ROR1: variants seen among roughly 807,000 people sequenced by gnomAD.
ROR1 encodes the protein inactive tyrosine-protein kinase transmembrane receptor ROR1.
ROR1 carries 19 observed loss-of-function variants against 78.8 expected under a neutral mutation model. The ratio of observed to expected loss-of-function variants is 0.24; its 90% CI spans 0.17 to 0.35. ROR1 has a LOEUF of 0.35. Among genes scored for constraint, ROR1 ranks in the 10% least tolerant of loss-of-function variants. The pLI is 1.00. For synonymous variants in ROR1, 386 were observed against 433.6 expected, an observed-to-expected ratio of 0.89 and a Z score of 1.36; for missense variants, 917 against 1,177.8, an observed-to-expected ratio of 0.78 and a Z score of 3.24.
intron 4 of ROR1, among the ~76,000 whole-genome samples, chr1:64,074,730 C>T (rs970844590): frequency 6.6e-6 from 1 of 152,192 alleles, no homozygotes; most frequent in African/African-American, 2.4e-5. Flanking sequence ...AAGTATATGA[C>T]TCTATGCCTT....
chr1:63,920,137 A>G (rs1351460399), intron 1 of ROR1, among the ~76,000 whole-genome samples: 2 of 152,224 alleles, frequency 1.3e-5, no homozygotes, highest in Non-Finnish European at 2.9e-5. Flanking sequence ...TGTGAGAAAC[A>G]TTGTTGGGCA....
intron 1 of ROR1, among the ~76,000 whole-genome samples, chr1:63,899,163 ACT>A (rs1381711322): frequency 6.6e-6 from 1 of 151,990 alleles, no homozygotes; most frequent in Non-Finnish European, 1.5e-5. Flanking sequence ...CCCTAAGAAT[ACT>A]CTGTTTACTT....
chr1:63,927,919 G>A (rs959498056), intron 1 of ROR1, among the ~76,000 whole-genome samples: 3 of 150,964 alleles, frequency 2.0e-5, no homozygotes, highest in African/African-American at 7.3e-5. Flanking sequence ...AGTCCTTTGC[G>A]ATCCACTGAC....
chr1:63,835,714 A>G (rs1645015451), intron 1 of ROR1, among the ~76,000 whole-genome samples: 1 of 152,226 alleles, frequency 6.6e-6, no homozygotes. Context: ...AATATACTAA[A>G]GTATGGGAGA....
intron 1 of ROR1, among the ~76,000 whole-genome samples, chr1:63,791,469 G>T (rs1467013647): frequency 1.3e-5 from 2 of 152,086 alleles, no homozygotes; most frequent in African/African-American, 2.4e-5. Flanking sequence ...TCACAAAATT[G>T]TGCTGCCTGT....
At chr1:63,783,238 C>T (rs1256098696) in intron 1 of ROR1, among the ~76,000 whole-genome samples, 1 of 152,148 alleles carries the variant, frequency 6.6e-6, no homozygotes, top group African/African-American at 2.4e-5. Flanking sequence ...AGCAGTTTCA[C>T]TGGGAGCCTG....
intron 1 of ROR1, among the ~76,000 whole-genome samples, chr1:63,916,227 T>C (rs1269316435): frequency 2.6e-5 from 4 of 152,186 alleles, no homozygotes; most frequent in Non-Finnish European, 2.9e-5. Context: ...TGCAAAATGA[T>C]CCATCTGATC....
At chr1:63,794,584 C>G (rs776915886) in intron 1 of ROR1, among the ~76,000 whole-genome samples, 1 of 152,140 alleles carries the variant, frequency 6.6e-6, no homozygotes, top group African/African-American at 2.4e-5. Flanking sequence ...TTATCAGAGG[C>G]CAGAGGGCGG....
chr1:64,099,958 G>A (rs745314434), intron 4 of ROR1, among the ~76,000 whole-genome samples: 12 of 152,186 alleles, frequency 7.9e-5, no homozygotes, highest in Non-Finnish European at 1.2e-4. Flanking sequence ...AGGAGGCTGA[G>A]GCAGGAGAAT....
chr1:64,080,759 A>G (rs529960656), intron 4 of ROR1, among the ~76,000 whole-genome samples: 60 of 152,316 alleles, frequency 3.9e-4, no homozygotes, highest in African/African-American at 1.3e-3. Flanking sequence ...ATACAGCCAC[A>G]TGGTGCCCTT....
chr1:63,987,116 T>C (rs1023678471), intron 1 of ROR1, among the ~76,000 whole-genome samples: 14 of 152,132 alleles, frequency 9.2e-5, no homozygotes, highest in African/African-American at 3.4e-4. Context: ...TTCCCTTGAA[T>C]GCTGTCACAC....
chr1:64,123,162 A>G (rs958807686), intron 4 of ROR1, among the ~76,000 whole-genome samples: 2 of 147,502 alleles, frequency 1.4e-5, no homozygotes, highest in Non-Finnish European at 2.9e-5. Context: ...TGGAAGGGAC[A>G]CCAGAGATCA....
intron 1 of ROR1, among the ~76,000 whole-genome samples, chr1:63,890,743 A>C (rs997524639): frequency 6.6e-6 from 1 of 152,068 alleles, no homozygotes; most frequent in Non-Finnish European, 1.5e-5. Context: ...CATAAAAGTG[A>C]GAGACAGCCT....
intron 1 of ROR1, among the ~76,000 whole-genome samples, chr1:63,834,019 C>A (rs1235210779): frequency 8.1e-5 from 9 of 110,584 alleles, no homozygotes; most frequent in Middle Eastern, 6.0e-3. Context: ...TTGTTTGTTT[C>A]CAACTCAGGG....
At chr1:63,908,105 G>A (rs1460543156) in intron 1 of ROR1, among the ~76,000 whole-genome samples, 1 of 152,048 alleles carries the variant, frequency 6.6e-6, no homozygotes, top group Non-Finnish European at 1.5e-5. Flanking sequence ...ATTCCATGTG[G>A]CAGGTCTGTT....
chr1:64,029,492 T>A (rs1468098002), intron 2 of ROR1, among the ~76,000 whole-genome samples: 1 of 152,214 alleles, frequency 6.6e-6, no homozygotes, highest in Non-Finnish European at 1.5e-5. Context: ...TACCACATGC[T>A]GTGTGACTTA....
intron 1 of ROR1, among the ~76,000 whole-genome samples, chr1:63,808,127 C>T (rs572609284): frequency 5.9e-5 from 9 of 152,248 alleles, no homozygotes; most frequent in African/African-American, 1.7e-4. Context: ...TACCTGGGCA[C>T]GTTTGCCAGC....
At chr1:64,026,901 C>A (rs937310891) in intron 2 of ROR1, among the ~76,000 whole-genome samples, 7 of 152,012 alleles carry the variant, frequency 4.6e-5, no homozygotes, top group Admixed American at 2.6e-4. Flanking sequence ...GGGTGGGGAC[C>A]CCAACCATAT....
chr1:64,043,127 C>T (rs994384274), intron 2 of ROR1, among the ~76,000 whole-genome samples: 2 of 152,196 alleles, frequency 1.3e-5, no homozygotes, highest in Non-Finnish European at 2.9e-5. Context: ...GTTTCTCTCA[C>T]CTGTCAAAAT....
Sources: allele counts gnomAD v4.1 joint callset (sites outside exome capture counted in the v4.1 genomes callset), GRCh38; gene constraint gnomAD v4.1.1; transcripts MANE v1.5; gene names NCBI Gene and HGNC (gene_info 2026-07-23, HGNC 2026-07-21).